The following GGA3 variants were observed in gnomAD, a reference collection of about 807,000 sequenced individuals.
GGA3 encodes ADP-ribosylation factor-binding protein GGA3.
Under a neutral mutation model 77.5 loss-of-function variants are expected in GGA3, and 57 were observed. The observed-to-expected ratio is 0.74, with a 90% CI of 0.59 to 0.92. The LOEUF (loss-of-function observed/expected upper bound fraction) is 0.92. Ranked by LOEUF, GGA3 falls within the 40% of genes least tolerant of loss-of-function variation. The probability of loss-of-function intolerance (pLI) is 0.00; values close to 1 mark genes in which losing one functional copy is unlikely to be tolerated. For missense variants in GGA3, 970 were observed against 914.9 expected (o/e 1.06, Z -0.78); for synonymous variants, 416 against 383.7 (o/e 1.08, Z -0.98).
chr17:75,257,556 CTTTTATACCTGT>C (rs1319132249), intron 1 of GGA3, among the ~76,000 whole-genome samples: 1 of 152,124 alleles, frequency 6.6e-6, no homozygotes, highest in Non-Finnish European at 1.5e-5. Context: ...ATTCTTAGAC[CTTTTATACCTGT>C]TTTTCTCCTT....
At chr17:75,246,418 C>A in intron 3 of GGA3, 91 bp downstream of exon 3, 1 of 829,344 alleles carries the variant, frequency 1.2e-6, no homozygotes. Context: ...TGGCTTTTGG[C>A]AGGAGCCCTA....
chr17:75,261,794 G>A (rs990188555), upstream of GGA3: 7 of 1,279,888 alleles, frequency 5.5e-6, no homozygotes, highest in Non-Finnish European at 1.1e-6. Context: ...CAGATCAGTG[G>A]AGAGAAACGC....
chr17:75,240,600 G>A, intron 11 of GGA3, 188 bp from the exon 12 acceptor site: 1 of 668,472 alleles, frequency 1.5e-6, no homozygotes, highest in Non-Finnish European at 2.5e-6. Flanking sequence ...CGGGGGGCCT[G>A]TGGGGCGGGG....
At chr17:75,240,785 G>A (rs1567781298) in intron 11 of GGA3, 27 bp downstream of exon 11, 1 of 1,584,830 alleles carries the variant, frequency 6.3e-7, no homozygotes, top group Non-Finnish European at 8.6e-7. Context: ...GTCAGGGGAT[G>A]CCCCTGACGC....
At position 75,242,325 on chromosome 17, in the gene GGA3, G is replaced by A. The variant is rs745537152; in HGVS notation, c.747+11C>T. On this transcript the variant is annotated intron_variant, in intron 8 of 16. Coordinates refer to ENST00000537686, the MANE Select transcript of GGA3 (RefSeq NM_138619.4). The stretch of plus-strand genomic sequence containing the variant: ...GCCCCGGGAGGCAGCCTTTGCCGTC[G>A]GCGGTCCCACCTTCATCAGCTCTCT... 46 of 1,613,930 alleles carry A rather than the reference G, an allele frequency of 2.9e-5. No homozygotes were observed. Among genetic ancestry groups the A allele is most frequent in the Non-Finnish European group, 3.4e-5 (40 of 1,179,970 alleles).
chr17:75,241,833 C>CG, intron 8 of GGA3, 137 bp from the exon 9 acceptor site: 1 of 749,362 alleles, frequency 1.3e-6, no homozygotes, highest in Non-Finnish European at 2.3e-6. Flanking sequence ...GGGATCACAG[C>CG]GCACGTCTTC....
At chr17:75,243,643 A>G (rs927431868) in intron 4 of GGA3, 73 bp from the exon 5 acceptor site, 6 of 1,454,514 alleles carry the variant, frequency 4.1e-6, no homozygotes, top group Non-Finnish European at 5.7e-6. Context: ...CTCCCTCCAC[A>G]GCAATGGCGT....
intron 1 of GGA3, among the ~76,000 whole-genome samples, chr17:75,261,311 T>G (rs924310477): frequency 2.0e-5 from 3 of 152,142 alleles, no homozygotes; most frequent in African/African-American, 7.2e-5. Context: ...GGAGCCCGAG[T>G]TCACGCCGCC....
intron 10 of GGA3, 139 bp downstream of exon 10, chr17:75,241,261 G>A: frequency 1.3e-6 from 1 of 781,332 alleles, no homozygotes; most frequent in Non-Finnish European, 2.1e-6. Flanking sequence ...CGGGAAGCCG[G>A]AGGATTGCTT....
rs769961258 is a variant in GGA3, at chr17:75,243,120, G to A, written c.471C>T (p.Ile157=). ...TTTTGGGACGAGGTGGTGGAGAGGG[G>A]ATCAGCGTCCTATCCACAGGAATTG... ...DPPIPVDRTL[I]PSPPPRPKNP... is the part of the protein sequence containing the mutation. Residue 157 remains isoleucine (I), a synonymous_variant, in exon 6 of 17, where the codon ATC becomes ATT. Transcript: ENST00000537686. The A allele has an allele frequency of 2.3e-5, 37 of 1,613,146 alleles. No individual in the cohort carries two copies. The Admixed American group carries it at 2.5e-4, about 11-fold the overall frequency.
chr17:75,245,974 G>A (rs1263758236), intron 3 of GGA3, among the ~76,000 whole-genome samples: 2 of 152,148 alleles, frequency 1.3e-5, no homozygotes, highest in African/African-American at 4.8e-5. Flanking sequence ...CTTTGTTTTC[G>A]GAGCATGTGG....
intron 4 of GGA3, chr17:75,244,412 T>C (rs1415748708): frequency 1.9e-6 from 1 of 533,984 alleles, no homozygotes. Context: ...CTGTCAGATT[T>C]GGGCTGAGGG....
chr17:75,246,486 C>T, intron 3 of GGA3, 23 bp downstream of exon 3: 1 of 1,523,866 alleles, frequency 6.6e-7, no homozygotes, highest in Non-Finnish European at 9.1e-7. Flanking sequence ...GCGGTTTCCA[C>T]CTCCGGAGAG....
intron 15 of GGA3, 39 bp from the exon 16 acceptor site, chr17:75,238,801 T>C: frequency 6.3e-7 from 1 of 1,577,028 alleles, no homozygotes; most frequent in Non-Finnish European, 8.7e-7. Context: ...AACTGGTAGG[T>C]GCCCCCAGAT....
In GGA3 at chr17:75,238,187, T is replaced by C. The variant is rs1183553590; in HGVS notation, c.*92A>G. 4.6e-6 allele frequency: 7 copies of C among 1,536,982 alleles called. No individual in the cohort carries two copies. Among genetic ancestry groups the C allele is most frequent in the Non-Finnish European group, 6.1e-6 (7 of 1,141,750 alleles). On this transcript the variant is annotated 3_prime_UTR_variant, in exon 17 of 17. Coordinates refer to ENST00000537686, the MANE Select transcript of GGA3 (RefSeq NM_138619.4). ...TCCACATCAAAGCTACAAGCACTGT[T>C]GTCAGGGCATGGAGAGTGACGGGAC...
At chr17:75,250,213 AC>A (rs1485271006) in intron 1 of GGA3, among the ~76,000 whole-genome samples, 2 of 152,162 alleles carry the variant, frequency 1.3e-5, no homozygotes, top group Non-Finnish European at 2.9e-5. Flanking sequence ...TAGAGGTGAC[AC>A]CCGAGCTTCC....
chr17:75,251,077 T>C (rs927551596), intron 1 of GGA3, among the ~76,000 whole-genome samples: 2 of 151,830 alleles, frequency 1.3e-5, no homozygotes, highest in Non-Finnish European at 2.9e-5. Flanking sequence ...TGAGGCTCCA[T>C]CTCCAAAAAG....
At chr17:75,261,637 A>G (rs1246744038), upstream of GGA3, 3 of 1,486,478 alleles carry the variant, frequency 2.0e-6, no homozygotes, top group Non-Finnish European at 2.7e-6. Flanking sequence ...AGTCTGCACG[A>G]GCTGAGACGG....
Position 75,237,362 on chromosome 17 carries a change from C to CGT in GGA3, c.*916_*917insAC. The CGT allele has an allele frequency of 1.1e-6, 1 of 904,966 alleles. No individual in the cohort carries two copies. Among genetic ancestry groups the CGT allele is most frequent in the Non-Finnish European group, 1.7e-6 (1 of 573,534 alleles). 56.1% of individuals were successfully genotyped at this position (904,966 alleles called of 1,614,324 possible). On this transcript the variant is annotated 3_prime_UTR_variant, in exon 17 of 17. Transcript: ENST00000537686. The stretch of plus-strand genomic sequence containing the variant: ...CTGTGTCCAGCCACAGGTGCCACAC[C>CGT]ACATGCCATCTGGTGAGAGGAGAGG...
Sources: gnomAD v4.1 joint callset for allele counts (sites outside exome capture counted in the v4.1 genomes callset) on GRCh38, gnomAD v4.1.1 for gene constraint, MANE v1.5 for transcripts, NCBI Gene and HGNC (gene_info 2026-07-23, HGNC 2026-07-21) for gene names.